DNAI3: variants seen among roughly 807,000 people sequenced by gnomAD.
DNAI3 encodes dynein axonemal intermediate chain 3.
Under a neutral mutation model 115.5 loss-of-function variants are expected in DNAI3, and 83 were observed. The observed-to-expected ratio is 0.72, with a 90% CI of 0.60 to 0.86. The LOEUF is 0.86. DNAI3 is among the 40% of genes least tolerant of loss of function. DNAI3 has a pLI of 0.00. For missense variants in DNAI3, 1,004 were observed against 1,075.8 expected, an observed-to-expected ratio of 0.93 and a Z score of 0.93; for synonymous variants, 320 against 347.0, an observed-to-expected ratio of 0.92 and a Z score of 0.86.
At chr1:85,116,083 G>C (rs545061815) in intron 16 of DNAI3, among the ~76,000 whole-genome samples, 3 of 152,186 alleles carry the variant, frequency 2.0e-5, no homozygotes, top group Admixed American at 1.3e-4. Flanking sequence ...ATTTCACCTT[G>C]CTGCCATCTA....
intron 6 of DNAI3, among the ~76,000 whole-genome samples, chr1:85,085,018 T>C (rs748370556): frequency 8.5e-5 from 13 of 152,130 alleles, no homozygotes; most frequent in Admixed American, 1.3e-4. Flanking sequence ...ATACAACTGG[T>C]GTCCTTGTGA....
intron 7 of DNAI3, among the ~76,000 whole-genome samples, chr1:85,086,933 C>T (rs1301894636): frequency 6.6e-6 from 1 of 152,002 alleles, no homozygotes; most frequent in Non-Finnish European, 1.5e-5. Context: ...TGATCTAGAT[C>T]CCTTTACCCC....
intron 18 of DNAI3, among the ~76,000 whole-genome samples, chr1:85,122,250 C>A (rs2100612375): frequency 6.6e-6 from 1 of 152,264 alleles, no homozygotes; most frequent in South Asian, 2.1e-4. Flanking sequence ...GTAAGATAAT[C>A]TAGAAGACCC....
intron 5 of DNAI3, among the ~76,000 whole-genome samples, chr1:85,084,245 AGTGTG>A (rs1654720652): frequency 5.2e-5 from 3 of 58,232 alleles, no homozygotes; most frequent in Non-Finnish European, 9.9e-5. Flanking sequence ...ATATATCAGC[AGTGTG>A]TATATATATA....
chr1:85,114,928 C>T (rs184710222), intron 16 of DNAI3, among the ~76,000 whole-genome samples: 1 of 152,304 alleles, frequency 6.6e-6, no homozygotes, highest in Admixed American at 6.5e-5. Flanking sequence ...TCTAAGTGGT[C>T]ACTTTAAGAA....
chr1:85,086,122 T>C, intron 7 of DNAI3, 92 bp downstream of exon 7: 1 of 1,158,354 alleles, frequency 8.6e-7, no homozygotes, highest in Non-Finnish European at 1.2e-6. Flanking sequence ...TTATAATAAA[T>C]AGAAATGGAT....
intron 21 of DNAI3, among the ~76,000 whole-genome samples, chr1:85,129,057 T>C (rs1656236038): frequency 6.6e-6 from 1 of 152,224 alleles, no homozygotes; most frequent in African/African-American, 2.4e-5. Flanking sequence ...GGATTCATAA[T>C]CAGAAAATGT....
At chr1:85,069,239 C>T (rs1571151302) in intron 1 of DNAI3, among the ~76,000 whole-genome samples, 1 of 152,162 alleles carries the variant, frequency 6.6e-6, no homozygotes, top group Admixed American at 6.5e-5. Flanking sequence ...CATACTGTTC[C>T]CTCCACCTGA....
At chr1:85,127,602 A>G (rs1571204110) in intron 20 of DNAI3, among the ~76,000 whole-genome samples, 1 of 152,286 alleles carries the variant, frequency 6.6e-6, no homozygotes, top group Non-Finnish European at 1.5e-5. Flanking sequence ...TTCTCTTTCT[A>G]TCCATTTCTC....
chr1:85,085,749 G>C (rs1571166625), intron 6 of DNAI3, 82 bp from the exon 7 acceptor site: 1 of 1,176,130 alleles, frequency 8.5e-7, no homozygotes, highest in East Asian at 2.5e-5. Context: ...AAAGGGCTCT[G>C]AGTGGATCTG....
At chr1:85,129,094 G>A (rs1189093148) in intron 21 of DNAI3, among the ~76,000 whole-genome samples, 2 of 152,062 alleles carry the variant, frequency 1.3e-5, no homozygotes, top group African/African-American at 2.4e-5. Context: ...ACCGAAGTGT[G>A]GGGTGCTGAT....
At chr1:85,065,405 T>C (rs1185857473) in intron 1 of DNAI3, among the ~76,000 whole-genome samples, 2 of 152,184 alleles carry the variant, frequency 1.3e-5, no homozygotes, top group Admixed American at 6.5e-5. Context: ...ACTATATGTA[T>C]ATTCAGGGAG....
intron 22 of DNAI3, among the ~76,000 whole-genome samples, chr1:85,130,963 T>C (rs1272386591): frequency 2.1e-4 from 32 of 152,218 alleles, no homozygotes; most frequent in Admixed American, 2.0e-3. Flanking sequence ...AAATACTTTG[T>C]GAATTAGGCT....
chr1:85,062,616 A>C (rs79009611), intron 1 of DNAI3, 130 bp downstream of exon 1: 1 of 152,360 alleles, frequency 6.6e-6, no homozygotes, highest in East Asian at 1.9e-4. Flanking sequence ...CAAAAAACAC[A>C]AGTCTTTCCC....
intron 7 of DNAI3, 57 bp from the exon 8 acceptor site, chr1:85,090,059 C>T (rs1027861038): frequency 1.2e-6 from 1 of 809,112 alleles, no homozygotes; most frequent in Non-Finnish European, 1.9e-6. Context: ...TGTTGTGGCC[C>T]ATATTTGCTC....
chr1:85,124,370 ACAGATGG>A, intron 19 of DNAI3, 119 bp downstream of exon 19: 10 of 1,388,372 alleles, frequency 7.2e-6, no homozygotes, highest in Non-Finnish European at 9.1e-6. Context: ...AGAAATTAGA[ACAGATGG>A]CAGGGACACC....
At chr1:85,072,684 A>G (rs1427770091) in intron 2 of DNAI3, among the ~76,000 whole-genome samples, 4 of 133,996 alleles carry the variant, frequency 3.0e-5, no homozygotes, top group East Asian at 2.3e-4. Flanking sequence ...GGCCGGGCAC[A>G]GTGGCTCACG....
rs542962815 is a variant in DNAI3 at position 85,072,190 on chromosome 1, A to G, written c.64+185A>G. ...TTTGACTAATTTCATTATGATACCAATTAGATGCGATATAATGAATGCTGT... is the reference window on the plus strand; with the variant it reads ...TTTGACTAATTTCATTATGATACCAGTTAGATGCGATATAATGAATGCTGT... On this transcript the variant is annotated intron_variant, in intron 2 of 22. Coordinates refer to ENST00000294664, the MANE Select transcript of DNAI3 (RefSeq NM_145172.5). 3.9e-5 allele frequency among the ~76,000 whole-genome samples: 6 copies of G among 152,368 alleles called. No homozygotes were observed. The East Asian group carries it at 1.2e-3, about 29-fold the overall frequency.
At chr1:85,072,091 A>G (rs888862128) in intron 2 of DNAI3, 86 bp downstream of exon 2, 1 of 1,214,560 alleles carries the variant, frequency 8.2e-7, no homozygotes, top group Non-Finnish European at 1.2e-6. Context: ...TTTACATATC[A>G]AATGAAATAA....
Sources: allele counts gnomAD v4.1 joint callset (sites outside exome capture counted in the v4.1 genomes callset), GRCh38; gene constraint gnomAD v4.1.1; transcripts MANE v1.5; gene names NCBI Gene and HGNC (gene_info 2026-07-23, HGNC 2026-07-21).